Variants in AHCTF1 observed in about 807,000 individuals in gnomAD.
AHCTF1 encodes the protein AT-hook containing transcription factor 1, also known as protein ELYS.
AHCTF1 carries 24 observed loss-of-function variants against 248.4 expected under a neutral mutation model. The observed-to-expected ratio is 0.10, with a 90% CI of 0.07 to 0.14. The LOEUF is 0.14. AHCTF1 is among the 10% of genes least tolerant of loss of function. AHCTF1 has a pLI of 1.00. For missense variants in AHCTF1, 2,206 were observed against 2,636.2 expected (o/e 0.84, Z 3.57); for synonymous variants, 786 against 929.8 (o/e 0.85, Z 2.81).
intron 4 of AHCTF1, among the ~76,000 whole-genome samples, chr1:246,912,914 T>C (rs1360403600): frequency 1.3e-5 from 2 of 152,148 alleles, no homozygotes; most frequent in African/African-American, 2.4e-5. Context: ...TAGCCCTTAT[T>C]CCAGCATTTA....
rs752836580 is a variant in AHCTF1, at chr1:246,891,751, C to T, written c.1945+28G>A. ...AGTCAAGAAGTAAAATTTAATAAAA[C>T]ACTCATTTGATAAAACAAAGAGCGT... On this transcript the variant is annotated intron_variant, in intron 15 of 35. Transcript: ENST00000648844. 5 of 1,601,146 alleles carry T rather than the reference C, an allele frequency of 3.1e-6. No individual in the cohort carries two copies. The South Asian group carries it at 3.4e-5, about 11-fold the overall frequency.
chr1:246,920,497 C>T (rs1032198795), intron 1 of AHCTF1, among the ~76,000 whole-genome samples: 4 of 152,142 alleles, frequency 2.6e-5, no homozygotes, highest in East Asian at 1.9e-4. Context: ...ACCAGCCGGG[C>T]GTGGTGGCTC....
rs150348172 is a variant in AHCTF1, at chr1:246,895,679, C to T, written c.1714+156G>A. On this transcript the variant is annotated intron_variant, in intron 13 of 35. Coordinates refer to ENST00000648844, the MANE Select transcript of AHCTF1 (RefSeq NM_001323342.2). ...GTCAGATCATCATACTGTGGGCAAA[C>T]GTGCTAAAGGGGGTGGGATCTCTCT... is the stretch of plus-strand genomic sequence containing the variant. 3.9e-5 allele frequency among the ~76,000 whole-genome samples: 6 copies of T among 152,110 alleles called. No individual in the cohort carries two copies. The East Asian group carries it at 5.8e-4, about 15-fold the overall frequency.
At chr1:246,885,343 T>TACA in intron 21 of AHCTF1, 150 bp downstream of exon 21, 1 of 609,714 alleles carries the variant, frequency 1.6e-6, no homozygotes, top group Non-Finnish European at 2.7e-6. Context: ...ACACTGTATT[T>TACA]TCAATCTGAA....
At chr1:246,931,375 C>T in intron 1 of AHCTF1, 6 of 1,513,168 alleles carry the variant, frequency 4.0e-6, no homozygotes, top group Non-Finnish European at 5.3e-6. Flanking sequence ...GCCCGGCGCC[C>T]GCGAGCCTGC....
chr1:246,855,317 T>C (rs755532977), intron 31 of AHCTF1, among the ~76,000 whole-genome samples: 5 of 152,178 alleles, frequency 3.3e-5, no homozygotes, highest in South Asian at 2.1e-4. Flanking sequence ...AAAATGCTCA[T>C]TGGATTAAAA....
intron 29 of AHCTF1, among the ~76,000 whole-genome samples, chr1:246,859,077 G>A (rs1661325623): frequency 1.3e-5 from 2 of 152,124 alleles, no homozygotes; most frequent in African/African-American, 4.8e-5. Flanking sequence ...TCTCAAATAA[G>A]TAAGGCAGTG....
intron 9 of AHCTF1, 42 bp downstream of exon 9, chr1:246,900,295 C>A (rs750206531): frequency 1.3e-6 from 2 of 1,582,608 alleles, no homozygotes; most frequent in Non-Finnish European, 1.7e-6. Context: ...GCTACACATA[C>A]AAATACAAAG....
intron 33 of AHCTF1, among the ~76,000 whole-genome samples, chr1:246,844,785 A>AT (rs1660126350): frequency 6.6e-6 from 1 of 151,596 alleles, no homozygotes. Flanking sequence ...ATAAGGAATT[A>AT]AAAGCATTTA....
chr1:246,919,155 G>A (rs1260268102), intron 1 of AHCTF1, among the ~76,000 whole-genome samples: 1 of 152,136 alleles, frequency 6.6e-6, no homozygotes, highest in Non-Finnish European at 1.5e-5. Flanking sequence ...ATCCAGTCCT[G>A]GGAACCCTGA....
intron 21 of AHCTF1, among the ~76,000 whole-genome samples, chr1:246,883,936 G>A (rs1226279673): frequency 6.6e-6 from 1 of 152,068 alleles, no homozygotes; most frequent in Non-Finnish European, 1.5e-5. Context: ...AGGACACCTG[G>A]AATCAAAAGG....
At chr1:246,926,174 G>A (rs1202787500) in intron 1 of AHCTF1, among the ~76,000 whole-genome samples, 1 of 152,018 alleles carries the variant, frequency 6.6e-6, no homozygotes, top group Non-Finnish European at 1.5e-5. Flanking sequence ...AAGGTAGGCA[G>A]CTGCTGGTGT....
intron 1 of AHCTF1, among the ~76,000 whole-genome samples, chr1:246,920,967 CT>C (rs538772345): frequency 6.6e-6 from 1 of 151,710 alleles, no homozygotes; most frequent in Non-Finnish European, 1.5e-5. Flanking sequence ...TGGCGCATGC[CT>C]GTAATCTCAG....
At chr1:246,845,935 A>G (rs1041857396) in intron 33 of AHCTF1, among the ~76,000 whole-genome samples, 4 of 150,722 alleles carry the variant, frequency 2.7e-5, no homozygotes, top group Admixed American at 6.7e-5. Flanking sequence ...ACCAGCCAGT[A>G]GTAGCAGTAG....
chr1:246,888,598 T>A (rs1004075504), intron 17 of AHCTF1, 81 bp from the exon 18 acceptor site: 2 of 1,485,544 alleles, frequency 1.3e-6, no homozygotes, highest in African/African-American at 1.4e-5. Flanking sequence ...ATATTAAAAG[T>A]AATAATCCCA....
intron 8 of AHCTF1, among the ~76,000 whole-genome samples, chr1:246,900,737 T>C (rs1204198794): frequency 2.0e-5 from 3 of 152,290 alleles, no homozygotes; most frequent in East Asian, 1.9e-4. Flanking sequence ...TTGAGCAACG[T>C]TGAGGTATTA....
intron 1 of AHCTF1, among the ~76,000 whole-genome samples, chr1:246,926,201 G>A (rs1254833548): frequency 1.3e-5 from 2 of 152,122 alleles, no homozygotes; most frequent in Non-Finnish European, 2.9e-5. Flanking sequence ...TGCACAGCCT[G>A]CAGAACCATG....
At chr1:246,885,738 T>C in intron 20 of AHCTF1, 58 bp from the exon 21 acceptor site, 1 of 1,457,022 alleles carries the variant, frequency 6.9e-7, no homozygotes, top group Non-Finnish European at 9.2e-7. Flanking sequence ...TTAGACAAAG[T>C]AGGTAAACCT....
intron 1 of AHCTF1, among the ~76,000 whole-genome samples, chr1:246,926,581 C>G (rs552379009): frequency 2.0e-5 from 3 of 152,208 alleles, no homozygotes; most frequent in Admixed American, 1.3e-4. Context: ...AGGGGCCAGG[C>G]GCGGTGGCTC....
Sources: gnomAD v4.1 joint callset for allele counts (sites outside exome capture counted in the v4.1 genomes callset) on GRCh38, gnomAD v4.1.1 for gene constraint, MANE v1.5 for transcripts, NCBI Gene and HGNC (gene_info 2026-07-23, HGNC 2026-07-21) for gene names.